The following TRPS1 variants were observed in gnomAD, a reference collection of about 807,000 sequenced individuals.
TRPS1 encodes transcriptional repressor GATA binding 1.
Under a neutral mutation model 101.2 loss-of-function variants are expected in TRPS1, and 6 were observed. That is an observed-to-expected ratio of 0.06 (90% CI 0.03 to 0.12). The LOEUF is 0.12. Among genes scored for constraint, TRPS1 ranks in the 10% least tolerant of loss-of-function variants. The probability of loss-of-function intolerance (pLI) is 1.00; values close to 1 mark genes in which losing one functional copy is unlikely to be tolerated. For synonymous variants in TRPS1, 578 were observed against 589.8 expected (o/e 0.98, Z 0.29); for missense variants, 1,363 against 1,567.0 (o/e 0.87, Z 2.20).
Position 115,413,001 on chromosome 8 carries a change from A to C in TRPS1, c.*1022T>G. 1 of 152,600 alleles carries C rather than the reference A, an allele frequency of 6.6e-6. No individual in the cohort carries two copies. The highest frequency in any genetic ancestry group is 1.9e-4 in the East Asian group (1 of 5,188). 9.5% of individuals were successfully genotyped at this position (152,600 alleles called of 1,614,324 possible). On this transcript the variant is annotated 3_prime_UTR_variant, in exon 7 of 7. Transcript: ENST00000395715. ...TGCCTGACCACAAAGTTTGGAAATT[A>C]TATTTAACCAAAAGAAAATAAATAA... is the stretch of plus-strand genomic sequence containing the variant.
intron 5 of TRPS1, among the ~76,000 whole-genome samples, chr8:115,503,797 A>G (rs749277520): frequency 1.3e-5 from 2 of 152,222 alleles, no homozygotes; most frequent in Non-Finnish European, 2.9e-5. Flanking sequence ...GAGCTGATAG[A>G]AAAGAATGAA....
chr8:115,519,849 T>C (rs560465134), intron 5 of TRPS1, among the ~76,000 whole-genome samples: 1 of 151,786 alleles, frequency 6.6e-6, no homozygotes, highest in East Asian at 1.9e-4. Flanking sequence ...ATATTGAATA[T>C]AATGTTTTTC....
intron 5 of TRPS1, among the ~76,000 whole-genome samples, chr8:115,495,463 A>T (rs548963698): frequency 1.1e-3 from 163 of 148,254 alleles, no homozygotes; most frequent in Admixed American, 2.3e-3. Context: ...GGAGGAAAAA[A>T]ATATATATAT....
chr8:115,577,594 A>T (rs1817348761), intron 5 of TRPS1, among the ~76,000 whole-genome samples: 1 of 152,146 alleles, frequency 6.6e-6, no homozygotes, highest in Non-Finnish European at 1.5e-5. Context: ...AAAAACCCTG[A>T]CTTGACCATT....
intron 5 of TRPS1, among the ~76,000 whole-genome samples, chr8:115,528,796 C>A (rs896997659): frequency 2.6e-5 from 4 of 151,936 alleles, no homozygotes; most frequent in Admixed American, 2.6e-4. Context: ...TATATATAGT[C>A]ATTCAACTGT....
chr8:115,581,453 T>C (rs1817448294), intron 5 of TRPS1, among the ~76,000 whole-genome samples: 1 of 152,144 alleles, frequency 6.6e-6, no homozygotes, highest in East Asian at 1.9e-4. Flanking sequence ...GATATACAAA[T>C]TACCCTAATC....
At chr8:115,642,995 G>A (rs1280716385) in intron 1 of TRPS1, among the ~76,000 whole-genome samples, 1 of 152,022 alleles carries the variant, frequency 6.6e-6, no homozygotes, top group South Asian at 2.1e-4. Flanking sequence ...GAATATTTTG[G>A]TTTCCCAGTG....
At chr8:115,547,843 C>T (rs1450426647) in intron 5 of TRPS1, among the ~76,000 whole-genome samples, 7 of 152,126 alleles carry the variant, frequency 4.6e-5, no homozygotes, top group Non-Finnish European at 7.4e-5. Flanking sequence ...TACCTGAGAA[C>T]TAAACTGTGC....
Position 115,604,437 on chromosome 8 carries a change from G to C in TRPS1, c.1532C>G (p.Thr511Arg). The C allele has an allele frequency of 6.2e-7, 1 of 1,614,054 alleles. No homozygotes were observed. The highest frequency in any genetic ancestry group is 2.2e-5 in the East Asian group (1 of 44,852). Reference sequence around the variant, plus strand: ...TTTAGCCCCACTCGAGCTCTTGTCTGTCTTGGTCATTGTCTCTCCTTCTGA... The same window carrying C: ...TTTAGCCCCACTCGAGCTCTTGTCTCTCTTGGTCATTGTCTCTCCTTCTGA... ...KSSEGETMTK[T>R]DKSSSGAKKK... The change falls in exon 4 of 7, where the codon ACA becomes AGA. Residue 511 changes from threonine to arginine, a missense_variant. Transcript: ENST00000395715. The surrounding 1 kb of genome is among the most constrained non-coding windows in gnomAD (Gnocchi z 4.1).
At chr8:115,503,123 G>A (rs1815358002) in intron 5 of TRPS1, among the ~76,000 whole-genome samples, 2 of 151,900 alleles carry the variant, frequency 1.3e-5, no homozygotes, top group East Asian at 2.0e-4. Flanking sequence ...GCGTGGTGGC[G>A]GGCGCTTGTA....
At chr8:115,531,099 G>A (rs1240939378) in intron 5 of TRPS1, among the ~76,000 whole-genome samples, 1 of 151,972 alleles carries the variant, frequency 6.6e-6, no homozygotes, top group African/African-American at 2.4e-5. Flanking sequence ...TAAAAAAAGA[G>A]TATGTTAAGT....
At chr8:115,560,328 A>G (rs1816917909) in intron 5 of TRPS1, among the ~76,000 whole-genome samples, 1 of 152,186 alleles carries the variant, frequency 6.6e-6, no homozygotes, top group Non-Finnish European at 1.5e-5. Context: ...GAGTCCTTAC[A>G]ACATTAATGA....
Position 115,604,321 on chromosome 8 carries a change from C to T in TRPS1, c.1648G>A (p.Gly550Ser). ...FCDFRYSKSHGPDVIVVGPLL... is the reference protein window; with the variant it reads ...FCDFRYSKSHSPDVIVVGPLL... ...GGCCCCACTACAATTACATCAGGGC[C>T]ATGGCTTTTGGAATATCGGAAGTCA... The change falls in exon 4 of 7, where the codon GGC becomes AGC. Residue 550 changes from glycine (G) to serine (S), a missense_variant. Physicochemically the swap from Gly to Ser is moderately conservative, Grantham distance 56 (BLOSUM62 0). Coordinates refer to ENST00000395715, the MANE Select transcript of TRPS1 (RefSeq NM_014112.5). This position sits in a 1 kb window ranked among gnomAD's most constrained non-coding sequence, Gnocchi z 4.1. 1 of 1,614,078 alleles carries T rather than the reference C, an allele frequency of 6.2e-7. No homozygotes were observed. Among genetic ancestry groups the T allele is most frequent in the South Asian group, 1.1e-5 (1 of 91,080 alleles).
intron 3 of TRPS1, among the ~76,000 whole-genome samples, chr8:115,617,231 T>C (rs1818294558): frequency 6.6e-6 from 1 of 152,222 alleles, no homozygotes; most frequent in South Asian, 2.1e-4. Context: ...TGTTCCTGCA[T>C]GCTCTTTCCT....
chr8:115,437,555 A>C (rs1343279049), intron 5 of TRPS1, among the ~76,000 whole-genome samples: 1 of 152,244 alleles, frequency 6.6e-6, no homozygotes, highest in African/African-American at 2.4e-5. Context: ...AGTATTTAAT[A>C]GGCTAATAAT....
chr8:115,579,862 T>C (rs1817402442), intron 5 of TRPS1, among the ~76,000 whole-genome samples: 1 of 152,104 alleles, frequency 6.6e-6, no homozygotes, highest in Admixed American at 6.6e-5. Context: ...CATTTAATCA[T>C]TCTGAGATGA....
chr8:115,432,460 G>C (rs1441855506), intron 5 of TRPS1, among the ~76,000 whole-genome samples: 1 of 151,732 alleles, frequency 6.6e-6, no homozygotes, highest in Non-Finnish European at 1.5e-5. Flanking sequence ...CACCAAATGT[G>C]TGTGTGAATA....
At chr8:115,502,141 TG>T (rs1815333883) in intron 5 of TRPS1, among the ~76,000 whole-genome samples, 1 of 152,324 alleles carries the variant, frequency 6.6e-6, no homozygotes, top group East Asian at 1.9e-4. Context: ...CTTGATATGC[TG>T]CAGATTTGAA....
intron 3 of TRPS1, among the ~76,000 whole-genome samples, chr8:115,614,611 G>A (rs557877953): frequency 6.6e-5 from 10 of 152,270 alleles, no homozygotes; most frequent in Admixed American, 4.6e-4. Context: ...ACACAGTCCT[G>A]AAAAAGAAGT....
Sources: gnomAD v4.1 joint callset for allele counts (sites outside exome capture counted in the v4.1 genomes callset) on GRCh38, gnomAD v4.1.1 for gene constraint, Gnocchi (gnomAD v3.1) non-coding constraint, MANE v1.5 for transcripts, NCBI Gene and HGNC (gene_info 2026-07-23, HGNC 2026-07-21) for gene names.